ASTN1: variants seen among roughly 807,000 people sequenced by gnomAD.
The protein encoded by ASTN1 is astrotactin 1.
ASTN1 carries 41 observed loss-of-function variants against 140.7 expected under a neutral mutation model. The ratio of observed to expected loss-of-function variants is 0.29; its 90% CI spans 0.23 to 0.38. The LOEUF (loss-of-function observed/expected upper bound fraction) is 0.38. Ranked by LOEUF, ASTN1 falls within the 10% of genes least tolerant of loss-of-function variation. The pLI, the probability that ASTN1 is intolerant of heterozygous loss-of-function variation, is 1.00. For synonymous variants in ASTN1, 640 were observed against 652.2 expected, an observed-to-expected ratio of 0.98 and a Z score of 0.29; for missense variants, 1,479 against 1,678.8, an observed-to-expected ratio of 0.88 and a Z score of 2.08.
chr1:177,129,962 C>T (rs1681864120), intron 1 of ASTN1, among the ~76,000 whole-genome samples: 1 of 151,886 alleles, frequency 6.6e-6, no homozygotes, highest in African/African-American at 2.4e-5. Context: ...GAGACTCCAT[C>T]TCAAAAAAAT....
chr1:177,112,668 G>T (rs1297047495), intron 1 of ASTN1, among the ~76,000 whole-genome samples: 4 of 152,210 alleles, frequency 2.6e-5, no homozygotes, highest in Non-Finnish European at 4.4e-5. Context: ...TTGGGCTTGA[G>T]ATTTTAGCCT....
intron 16 of ASTN1, among the ~76,000 whole-genome samples, chr1:176,933,266 T>C (rs1198829466): frequency 6.6e-6 from 1 of 152,248 alleles, no homozygotes; most frequent in Non-Finnish European, 1.5e-5. Context: ...CTTGCCCCTG[T>C]GGCAGTCCTG....
intron 1 of ASTN1, among the ~76,000 whole-genome samples, chr1:177,152,255 A>G (rs1042932472): frequency 6.6e-6 from 1 of 152,144 alleles, no homozygotes; most frequent in Non-Finnish European, 1.5e-5. Context: ...CAGATTCACC[A>G]TCAGAATTTT....
chr1:176,866,719 T>A (rs917115564), intron 22 of ASTN1, among the ~76,000 whole-genome samples: 1 of 152,196 alleles, frequency 6.6e-6, no homozygotes, highest in African/African-American at 2.4e-5. Context: ...TTCTAATTAG[T>A]GGTGCAACCA....
rs559248265 is a variant in ASTN1 at position 176,861,557 on chromosome 1, G to C, written c.*2727C>G. On this transcript the variant is annotated 3_prime_UTR_variant, in exon 23 of 23. Transcript: ENST00000361833. ...GGTTGAGATCAATAGTGTCTTCCAA[G>C]GGGAAAAAATCCTCCAGTCAATTGT... The C allele has an allele frequency of 9.1e-6, 9 of 985,756 alleles. No homozygotes were observed. In the African/African-American group the frequency reaches 1.6e-4, roughly 17 times the overall value. The allele number at this position is 985,756 out of a possible 1,614,324, so 61.1% of individuals were successfully genotyped here. A position where few individuals can be genotyped will look rare whatever the true frequency, so the allele number is the denominator to read the frequency against.
intron 20 of ASTN1, 60 bp from the exon 21 acceptor site, chr1:176,876,697 G>C (rs1266553715): frequency 6.5e-7 from 1 of 1,541,710 alleles, no homozygotes; most frequent in Non-Finnish European, 8.9e-7. Flanking sequence ...CTAGATCTCT[G>C]TGGCCCTAGC....
chr1:177,039,624 C>A (rs1270948421), intron 2 of ASTN1, among the ~76,000 whole-genome samples: 4 of 152,270 alleles, frequency 2.6e-5, no homozygotes, highest in African/African-American at 7.2e-5. Context: ...ACATGAAGAA[C>A]CCCAGTAAAA....
rs564398420 is a variant in ASTN1, at chr1:177,113,509, A to G, written c.283+50885T>C. On this transcript the variant is annotated intron_variant, in intron 1 of 22. Coordinates refer to ENST00000361833, the MANE Select transcript of ASTN1 (RefSeq NM_004319.3). ...TTTGTTATCCTCCTTGCCTTCTTCCACTACCACCTTGTTTCCTTTAGATGT... is the reference window on the plus strand; with the variant it reads ...TTTGTTATCCTCCTTGCCTTCTTCCGCTACCACCTTGTTTCCTTTAGATGT... Among the ~76,000 whole-genome samples the G allele has an allele frequency of 2.6e-5, 4 of 152,308 alleles. No individual in the cohort carries two copies. In the East Asian group the frequency reaches 7.7e-4, roughly 29 times the overall value.
intron 8 of ASTN1, among the ~76,000 whole-genome samples, chr1:176,996,261 CCTCTCT>C (rs146791378): frequency 2.3e-4 from 33 of 140,942 alleles, no homozygotes; most frequent in East Asian, 1.9e-3. Flanking sequence ...AGTCATATAT[CCTCTCT>C]CTCTCTCTCT....
rs559558397 is a variant in ASTN1, at chr1:176,949,125, G to C, written c.2054+60C>G. 101 of 1,596,686 alleles carry C rather than the reference G, an allele frequency of 6.3e-5. 2 individuals are homozygous for C. In the East Asian group the frequency reaches 1.1e-3, roughly 17 times the overall value. On this transcript the variant is annotated intron_variant, in intron 12 of 22. Coordinates refer to ENST00000361833, the MANE Select transcript of ASTN1 (RefSeq NM_004319.3). ...ACTCACATTTCCTGGATTTAGCATT[G>C]AAAGTCCTGCGTCCTGGGACAGATG...
At chr1:177,033,123 C>CTGTGTGTGTGTGTGTGTG (rs10603141) in intron 2 of ASTN1, among the ~76,000 whole-genome samples, 33 of 146,318 alleles carry the variant, frequency 2.3e-4, no homozygotes, top group African/African-American at 7.3e-4. Context: ...AGAAACAAGT[C>CTGTGTGTGTGTGTGTGTG]TGTGTGTGTG....
At chr1:176,992,525 G>A (rs1013253080) in intron 8 of ASTN1, among the ~76,000 whole-genome samples, 3 of 152,132 alleles carry the variant, frequency 2.0e-5, no homozygotes, top group African/African-American at 7.2e-5. Flanking sequence ...ATCCACTGAC[G>A]TGAAGAAGCA....
rs1260790705 is a variant in ASTN1 at position 177,055,584 on chromosome 1, T to A, written c.471+5494A>T. 2.0e-5 allele frequency among the ~76,000 whole-genome samples: 3 copies of A among 152,254 alleles called. No homozygotes were observed. In the East Asian group the frequency reaches 5.8e-4, roughly 29 times the overall value. On this transcript the variant is annotated intron_variant, in intron 2 of 22. Transcript: ENST00000361833. ...CCTGGCATGTGGGCAGTATGACCAG[T>A]AAGTCGGTTCAGCCCCATGAAGGAT... is the stretch of plus-strand genomic sequence containing the variant.
chr1:177,153,890 C>G (rs1683139506), intron 1 of ASTN1, among the ~76,000 whole-genome samples: 2 of 152,154 alleles, frequency 1.3e-5, no homozygotes, highest in Non-Finnish European at 2.9e-5. Flanking sequence ...ACTTTACACT[C>G]AGTGGATTGA....
At chr1:176,930,593 GAA>G (rs141576141) in intron 16 of ASTN1, among the ~76,000 whole-genome samples, 2,137 of 152,282 alleles carry the variant, frequency 0.014, 53 homozygotes, top group African/African-American at 0.048. Flanking sequence ...GGCATCAAGA[GAA>G]GAGAGGATTT....
chr1:176,957,933 ACT>A, intron 10 of ASTN1, 105 bp from the exon 11 acceptor site: 2 of 1,332,124 alleles, frequency 1.5e-6, no homozygotes, highest in Non-Finnish European at 2.0e-6. Context: ...ATTGTGTCTC[ACT>A]CTGTCTTATA....
At chr1:177,121,238 A>C (rs905486624) in intron 1 of ASTN1, among the ~76,000 whole-genome samples, 1 of 152,156 alleles carries the variant, frequency 6.6e-6, no homozygotes, top group South Asian at 2.1e-4. Context: ...TTATAAGATG[A>C]ACACTGGGTA....
intron 1 of ASTN1, among the ~76,000 whole-genome samples, chr1:177,077,552 T>G (rs1384413920): frequency 6.6e-6 from 1 of 152,216 alleles, no homozygotes; most frequent in African/African-American, 2.4e-5. Flanking sequence ...CTAAATTCAG[T>G]GTCTCCTGGT....
chr1:177,121,553 G>A (rs1055072705), intron 1 of ASTN1, among the ~76,000 whole-genome samples: 6 of 151,960 alleles, frequency 3.9e-5, no homozygotes, highest in South Asian at 4.2e-4. Flanking sequence ...TAATACTTAC[G>A]TCTACTCTTT....
Sources: allele counts gnomAD v4.1 joint callset (sites outside exome capture counted in the v4.1 genomes callset), GRCh38; gene constraint gnomAD v4.1.1; transcripts MANE v1.5; gene names NCBI Gene and HGNC (gene_info 2026-07-23, HGNC 2026-07-21).